The following USP31 variants were observed in gnomAD, a reference collection of about 807,000 sequenced individuals.
The protein encoded by USP31 is ubiquitin carboxyl-terminal hydrolase 31.
USP31 carries 44 observed loss-of-function variants against 119.4 expected under a neutral mutation model. The ratio of observed to expected loss-of-function variants is 0.37; its 90% CI spans 0.29 to 0.47. The LOEUF is 0.47. USP31 is among the 20% of genes least tolerant of loss of function. The pLI, the probability that USP31 is intolerant of heterozygous loss-of-function variation, is 0.99. For synonymous variants in USP31, 749 were observed against 705.6 expected, an observed-to-expected ratio of 1.06 and a Z score of -0.97; for missense variants, 1,643 against 1,730.2, an observed-to-expected ratio of 0.95 and a Z score of 0.89.
At chr16:23,071,486 AAG>A (rs1424965678) in intron 15 of USP31, among the ~76,000 whole-genome samples, 8 of 151,922 alleles carry the variant, frequency 5.3e-5, no homozygotes, top group Non-Finnish European at 1.2e-4. Flanking sequence ...AAAAAAAAAA[AAG>A]AGTTCAATTT....
chr16:23,115,211 A>AC (rs1567241105), intron 1 of USP31, among the ~76,000 whole-genome samples: 2 of 151,838 alleles, frequency 1.3e-5, no homozygotes, highest in Non-Finnish European at 2.9e-5. Context: ...GCCTTTTACG[A>AC]TTTTTTTTCA....
chr16:23,147,701 G>A (rs1412843760), intron 1 of USP31, among the ~76,000 whole-genome samples: 1 of 152,240 alleles, frequency 6.6e-6, no homozygotes, highest in Non-Finnish European at 1.5e-5. Context: ...CCAAAGCGGG[G>A]AGAGTGGCTT....
In USP31 at chr16:23,065,636, T is replaced by C. The variant is rs567375075; in HGVS notation, c.*2410A>G. On this transcript the variant is annotated 3_prime_UTR_variant, in exon 16 of 16. Coordinates refer to ENST00000219689, the MANE Select transcript of USP31 (RefSeq NM_020718.4). ...ACTAAACTCCATGACATACAGTTTA[T>C]AGACACTGACATTTTATTCCAGATC... The C allele has an allele frequency of 6.6e-6, 1 of 152,658 alleles. No homozygotes were observed. Among genetic ancestry groups the C allele is most frequent in the South Asian group, 2.1e-4 (1 of 4,818 alleles). 9.5% of individuals were successfully genotyped at this position (152,658 alleles called of 1,614,324 possible).
intron 12 of USP31, among the ~76,000 whole-genome samples, 182 bp from the exon 13 acceptor site, chr16:23,080,353 A>G (rs772190951): frequency 6.6e-6 from 1 of 152,150 alleles, no homozygotes; most frequent in Non-Finnish European, 1.5e-5. Context: ...ACAGGTTTTA[A>G]TATCAGCTAA....
At chr16:23,108,282 G>A in intron 1 of USP31, 99 bp from the exon 2 acceptor site, 4 of 1,469,212 alleles carry the variant, frequency 2.7e-6, no homozygotes, top group East Asian at 2.4e-5. Context: ...GATCTCAAGG[G>A]TGTTAGAGAA....
intron 13 of USP31, 50 bp from the exon 14 acceptor site, chr16:23,073,930 T>C (rs748177843): frequency 1.2e-5 from 19 of 1,612,484 alleles, no homozygotes; most frequent in Admixed American, 3.3e-5. Flanking sequence ...CACCAGCCAC[T>C]TCATGCGACC....
chr16:23,141,417 T>C (rs566691935), intron 1 of USP31, among the ~76,000 whole-genome samples: 3 of 152,040 alleles, frequency 2.0e-5, no homozygotes, highest in African/African-American at 7.2e-5. Context: ...TCTCACTCTG[T>C]AGCCCAGGCC....
At chr16:23,141,805 C>G (rs1360786681) in intron 1 of USP31, among the ~76,000 whole-genome samples, 1 of 152,196 alleles carries the variant, frequency 6.6e-6, no homozygotes, top group Non-Finnish European at 1.5e-5. Flanking sequence ...TATCATATCA[C>G]TTTGTTTTCC....
At position 23,133,449 on chromosome 16, in the gene USP31, T is replaced by C. The variant is rs181180194; in HGVS notation, c.633+15189A>G. The stretch of plus-strand genomic sequence containing the variant: ...GACATAATCACTGCACATGAGGGAG[T>C]TGGGGGGAGACGGCAATGGATTTAG... On this transcript the variant is annotated intron_variant, in intron 1 of 15. Transcript: ENST00000219689. Among the ~76,000 whole-genome samples the C allele has an allele frequency of 7.9e-5, 12 of 151,918 alleles. No individual in the cohort carries two copies. The East Asian group carries it at 1.9e-3, about 25-fold the overall frequency.
Position 23,061,645 on chromosome 16 carries a change from TAC to T in USP31, c.*6399_*6400del, listed in dbSNP as rs1899835658. Reference sequence around the variant, plus strand: ...TCTAAAATAAATTTAAAATGTACGATACACTTTTCTTCCAGCCTCTAGGAAAG... The same window carrying T: ...TCTAAAATAAATTTAAAATGTACGATACTTTTCTTCCAGCCTCTAGGAAAG... On this transcript the variant is annotated 3_prime_UTR_variant, in exon 16 of 16. Coordinates refer to ENST00000219689, the MANE Select transcript of USP31 (RefSeq NM_020718.4). 1 of 152,668 alleles carries T rather than the reference TAC, an allele frequency of 6.6e-6. No individual in the cohort carries two copies. Among genetic ancestry groups the T allele is most frequent in the South Asian group, 2.1e-4 (1 of 4,832 alleles). The allele number at this position is 152,668 out of a possible 1,614,324, so 9.5% of individuals were successfully genotyped here. A position where few individuals can be genotyped will look rare whatever the true frequency, so the allele number is the denominator to read the frequency against.
chr16:23,108,847 T>C (rs779992680), intron 1 of USP31, among the ~76,000 whole-genome samples: 2 of 152,230 alleles, frequency 1.3e-5, no homozygotes, highest in Non-Finnish European at 2.9e-5. Flanking sequence ...ACAAGATTGA[T>C]TTACATTGCT....
At chr16:23,129,114 C>T (rs1902952807) in intron 1 of USP31, among the ~76,000 whole-genome samples, 1 of 151,988 alleles carries the variant, frequency 6.6e-6, no homozygotes, top group African/African-American at 2.4e-5. Context: ...TACAAACAGC[C>T]CACAATAGAT....
chr16:23,087,523 T>C (rs1282310591), intron 8 of USP31, among the ~76,000 whole-genome samples: 2 of 152,220 alleles, frequency 1.3e-5, no homozygotes, highest in South Asian at 2.1e-4. Context: ...TGATCATGTA[T>C]TGAACGTTAT....
intron 1 of USP31, among the ~76,000 whole-genome samples, chr16:23,119,767 A>G (rs1485526341): frequency 6.6e-6 from 1 of 152,244 alleles, no homozygotes; most frequent in Admixed American, 6.5e-5. Context: ...ATGTAGAAAG[A>G]TCAAGTTGCA....
At chr16:23,127,471 A>AT (rs1052133462) in intron 1 of USP31, among the ~76,000 whole-genome samples, 12 of 150,932 alleles carry the variant, frequency 8.0e-5, no homozygotes, top group East Asian at 5.8e-4. Flanking sequence ...GAAACAACTG[A>AT]TTTTTTTTTG....
chr16:23,124,595 A>G (rs1262933250), intron 1 of USP31, among the ~76,000 whole-genome samples: 2 of 152,190 alleles, frequency 1.3e-5, no homozygotes, highest in Admixed American at 1.3e-4. Context: ...TCAAGTGGTC[A>G]TAACCTAGAG....
rs1903614659 is a variant in USP31, at chr16:23,148,822, T to A, written c.449A>T (p.Glu150Val). 3.9e-6 allele frequency: 6 copies of A among 1,538,608 alleles called. No homozygotes were observed. The highest frequency in any genetic ancestry group is 5.2e-6 in the Non-Finnish European group (6 of 1,146,602). Reference sequence around the variant, plus strand: ...CAGCGCCAGGTACTCGGCGAAGAGCTCGGTGTTGCTGAGGCACTGCAGCGT... The same window carrying A: ...CAGCGCCAGGTACTCGGCGAAGAGCACGGTGTTGCTGAGGCACTGCAGCGT... ...NATLQCLSNT[E>V]LFAEYLALGQ... Residue 150 changes from glutamate to valine, a missense_variant, in exon 1 of 16, where the codon GAG (glutamate) becomes GTG (valine). By Grantham distance (121) the Glu-to-Val change is moderately radical. This residue lies in a region of USP31 where 302 missense variants were observed against 262.6 expected (regional missense o/e 1.15). Transcript: ENST00000219689.
In USP31 at chr16:23,063,396, GCACTATTAGAAGC is replaced by G. The variant is rs1722435354; in HGVS notation, c.*4637_*4649del. ...CTATAAAAGCATCTTTTAATTCTTA[GCACTATTAGAAGC>G]CACATTCTTTCCTTGTGACCAAAAT... On this transcript the variant is annotated 3_prime_UTR_variant, in exon 16 of 16. Transcript: ENST00000219689. 6.6e-6 allele frequency: 1 copy of G among 152,550 alleles called. No homozygotes were observed. The highest frequency in any genetic ancestry group is 1.5e-5 in the Non-Finnish European group (1 of 68,034). The allele number at this position is 152,550 out of a possible 1,614,324, so 9.4% of individuals were successfully genotyped here.
At chr16:23,117,077 C>T (rs1261991195) in intron 1 of USP31, among the ~76,000 whole-genome samples, 1 of 152,194 alleles carries the variant, frequency 6.6e-6, no homozygotes, top group Non-Finnish European at 1.5e-5. Flanking sequence ...CTCCAATGAG[C>T]ATTTCTTTTG....
Sources: allele counts gnomAD v4.1 joint callset (sites outside exome capture counted in the v4.1 genomes callset), GRCh38; gene constraint gnomAD v4.1.1; regional missense constraint gnomAD v4.1.1; transcripts MANE v1.5; gene names NCBI Gene and HGNC (gene_info 2026-07-23, HGNC 2026-07-21).